PCDH9: variants seen among roughly 807,000 people sequenced by gnomAD.
PCDH9 encodes protocadherin-9.
PCDH9 carries 24 observed loss-of-function variants against 70.6 expected under a neutral mutation model. The observed-to-expected ratio is 0.34, with a 90% confidence interval of 0.25 to 0.48. PCDH9 has a LOEUF of 0.48. Ranked by LOEUF, PCDH9 falls within the 20% of genes least tolerant of loss-of-function variation. PCDH9 has a pLI of 0.99. For synonymous variants in PCDH9, 562 were observed against 558.5 expected (o/e 1.01, Z -0.09); for missense variants, 1,281 against 1,503.6 (o/e 0.85, Z 2.45).
At chr13:66,475,069 G>C (rs1201182769) in intron 4 of PCDH9, among the ~76,000 whole-genome samples, 2 of 152,034 alleles carry the variant, frequency 1.3e-5, no homozygotes, top group East Asian at 3.9e-4. Context: ...TTCCAGACTG[G>C]TAGAAGAGAT....
chr13:67,110,514 C>CAAAAAA (rs67490405), intron 2 of PCDH9, among the ~76,000 whole-genome samples: 2 of 78,676 alleles, frequency 2.5e-5, no homozygotes, highest in Non-Finnish European at 4.8e-5. Context: ...CACTCCATCT[C>CAAAAAA]AAAAAAAAAA....
At chr13:67,109,642 G>A (rs1047476278) in intron 2 of PCDH9, among the ~76,000 whole-genome samples, 1 of 152,114 alleles carries the variant, frequency 6.6e-6, no homozygotes, top group Non-Finnish European at 1.5e-5. Flanking sequence ...TTAGCATTAT[G>A]ACATGAGAAT....
rs998812739 is a variant in PCDH9, at chr13:67,027,097, G to A, written c.3037-123492C>T. 3.0e-4 allele frequency among the ~76,000 whole-genome samples: 46 copies of A among 151,870 alleles called. 1 individual carries two copies. The highest frequency in any genetic ancestry group is 6.8e-3 in the Middle Eastern group (2 of 292). ...TTCATATGGAACCAAAAAAGAGCCC[G>A]CATTGCCAAGTCAATCCTAAGCCAA... On this transcript the variant is annotated intron_variant, in intron 2 of 4. Coordinates refer to ENST00000377865, the MANE Select transcript of PCDH9 (RefSeq NM_203487.3).
intron 2 of PCDH9, among the ~76,000 whole-genome samples, chr13:67,042,812 TAA>T (rs1313515593): frequency 6.6e-6 from 1 of 152,116 alleles, no homozygotes; most frequent in Non-Finnish European, 1.5e-5. Flanking sequence ...TTAGATGTTC[TAA>T]GCGAAACATG....
intron 2 of PCDH9, among the ~76,000 whole-genome samples, chr13:66,949,347 T>C (rs914753843): frequency 1.3e-5 from 2 of 152,144 alleles, no homozygotes; most frequent in African/African-American, 4.8e-5. Context: ...TTGGAATTTG[T>C]TCCAGTCATC....
chr13:66,777,874 A>G (rs1417186079), intron 3 of PCDH9, among the ~76,000 whole-genome samples: 8 of 152,126 alleles, frequency 5.3e-5, no homozygotes, highest in African/African-American at 1.9e-4. Flanking sequence ...AAAGACTTGG[A>G]AACAACCCAA....
At chr13:66,401,017 CTTAA>C (rs1957174904) in intron 4 of PCDH9, among the ~76,000 whole-genome samples, 2 of 152,194 alleles carry the variant, frequency 1.3e-5, no homozygotes, top group African/African-American at 4.8e-5. Context: ...CTGGCACTCT[CTTAA>C]TTGTGTGGGG....
At chr13:66,321,913 G>A (rs943815525) in intron 4 of PCDH9, among the ~76,000 whole-genome samples, 3 of 151,732 alleles carry the variant, frequency 2.0e-5, no homozygotes, top group African/African-American at 7.3e-5. Flanking sequence ...ATTTTGCTTA[G>A]CTTCAGTGCC....
intron 2 of PCDH9, among the ~76,000 whole-genome samples, chr13:67,020,322 C>A (rs2084650854): frequency 1.3e-5 from 2 of 152,172 alleles, no homozygotes; most frequent in South Asian, 4.1e-4. Flanking sequence ...TCCTACCAAC[C>A]ATTAACAAGC....
intron 4 of PCDH9, among the ~76,000 whole-genome samples, chr13:66,520,684 CAGGGCTTATCAAGTCCATAAT>C (rs1417451885): frequency 1.3e-5 from 2 of 152,154 alleles, no homozygotes; most frequent in East Asian, 3.9e-4. Flanking sequence ...ATTTATGCCT[CAGGGCTTATCAAGTCCATAAT>C]AGAAGCACTG....
intron 4 of PCDH9, among the ~76,000 whole-genome samples, chr13:66,463,959 C>A (rs1958470384): frequency 1.1e-5 from 1 of 91,940 alleles, no homozygotes; most frequent in Non-Finnish European, 2.4e-5. Context: ...AATTCATTGG[C>A]ATTAAAAATT....
At chr13:67,109,405 C>T (rs1344810301) in intron 2 of PCDH9, among the ~76,000 whole-genome samples, 1 of 152,132 alleles carries the variant, frequency 6.6e-6, no homozygotes, top group Non-Finnish European at 1.5e-5. Context: ...AATAATGTAG[C>T]CTAATCACGT....
At chr13:66,788,100 G>C (rs2080107611) in intron 3 of PCDH9, among the ~76,000 whole-genome samples, 2 of 152,132 alleles carry the variant, frequency 1.3e-5, no homozygotes, top group South Asian at 4.1e-4. Flanking sequence ...CCTTGGGTTA[G>C]ATAATTATAA....
At chr13:66,662,208 C>A (rs1047760176) in intron 3 of PCDH9, among the ~76,000 whole-genome samples, 1 of 152,074 alleles carries the variant, frequency 6.6e-6, no homozygotes, top group Non-Finnish European at 1.5e-5. Context: ...CGTGGTGGCT[C>A]ACCCCTGTAA....
At chr13:67,008,396 T>C (rs536530171) in intron 2 of PCDH9, among the ~76,000 whole-genome samples, 2 of 152,292 alleles carry the variant, frequency 1.3e-5, no homozygotes, top group Admixed American at 1.3e-4. Context: ...TTATATTTTG[T>C]GAGGTGAAGA....
chr13:66,729,539 T>C (rs967355672), intron 3 of PCDH9, among the ~76,000 whole-genome samples: 2 of 152,202 alleles, frequency 1.3e-5, no homozygotes, highest in Non-Finnish European at 2.9e-5. Context: ...CTTCTCAAAA[T>C]GTTTTACAAA....
At chr13:66,928,693 T>C (rs1040096257) in intron 2 of PCDH9, among the ~76,000 whole-genome samples, 1 of 152,136 alleles carries the variant, frequency 6.6e-6, no homozygotes, top group African/African-American at 2.4e-5. Context: ...GAAGTCACCA[T>C]GTCTGATCTA....
At chr13:66,348,446 G>A (rs1179091763) in intron 4 of PCDH9, among the ~76,000 whole-genome samples, 1 of 151,444 alleles carries the variant, frequency 6.6e-6, no homozygotes, top group Non-Finnish European at 1.5e-5. Context: ...CACCCAGGCT[G>A]GAGTGCAGTG....
At chr13:67,090,660 T>G (rs1287525309) in intron 2 of PCDH9, among the ~76,000 whole-genome samples, 1 of 151,930 alleles carries the variant, frequency 6.6e-6, no homozygotes, top group Non-Finnish European at 1.5e-5. Flanking sequence ...AATGAAGTTC[T>G]GAAATGTTAA....
Sources: allele counts gnomAD v4.1 joint callset (sites outside exome capture counted in the v4.1 genomes callset), GRCh38; gene constraint gnomAD v4.1.1; transcripts MANE v1.5; gene names NCBI Gene and HGNC (gene_info 2026-07-23, HGNC 2026-07-21).